Variants in NAALADL2 observed in about 807,000 individuals in gnomAD.
The protein encoded by NAALADL2 is N-acetylated alpha-linked acidic dipeptidase like 2.
Under a neutral mutation model 87.2 loss-of-function variants are expected in NAALADL2, and 76 were observed. The ratio of observed to expected loss-of-function variants is 0.87; its 90% CI spans 0.72 to 1.05. The LOEUF is 1.05. Among genes scored for constraint, NAALADL2 ranks in the 50% least tolerant of loss-of-function variants. The pLI is 0.00. For missense variants in NAALADL2, 1,089 were observed against 945.8 expected, an observed-to-expected ratio of 1.15 and a Z score of -1.99; for synonymous variants, 354 against 331.0, an observed-to-expected ratio of 1.07 and a Z score of -0.75.
intron 4 of NAALADL2, among the ~76,000 whole-genome samples, chr3:175,299,286 G>T (rs908250310): frequency 5.9e-5 from 9 of 151,766 alleles, no homozygotes; most frequent in African/African-American, 2.2e-4. Flanking sequence ...ATATAAAGTA[G>T]TTTTTTTTGT....
At chr3:175,701,845 A>G (rs1423857485) in intron 11 of NAALADL2, among the ~76,000 whole-genome samples, 1 of 152,210 alleles carries the variant, frequency 6.6e-6, no homozygotes, top group Non-Finnish European at 1.5e-5. Flanking sequence ...TTTAGGTAAT[A>G]TTAACACTGC....
Position 174,961,043 on chromosome 3 carries a change from T to A in NAALADL2, c.43+101593T>A, listed in dbSNP as rs562066701. 2.6e-4 allele frequency among the ~76,000 whole-genome samples: 39 copies of A among 147,520 alleles called. 1 individual carries two copies. The South Asian group carries it at 7.8e-3, about 30-fold the overall frequency. On this transcript the variant is annotated intron_variant, in intron 1 of 13. Transcript: ENST00000454872. ...CAGAACAAGACCTTGTTTCTAAAAATATATATATATATTAAATATATCATA... is the reference window on the plus strand; with the variant it reads ...CAGAACAAGACCTTGTTTCTAAAAAAATATATATATATTAAATATATCATA...
chr3:175,330,840 A>G (rs1761308095), intron 5 of NAALADL2, among the ~76,000 whole-genome samples: 1 of 152,198 alleles, frequency 6.6e-6, no homozygotes, highest in Non-Finnish European at 1.5e-5. Context: ...AGTCTTGAAA[A>G]AATACAAAAC....
intron 2 of NAALADL2, among the ~76,000 whole-genome samples, chr3:174,728,109 A>C (rs1387482318): frequency 6.6e-6 from 1 of 152,002 alleles, no homozygotes; most frequent in Non-Finnish European, 1.5e-5. Flanking sequence ...CCGTTTACTT[A>C]TACATTCACC....
At chr3:174,527,289 G>T (rs1489718570) in intron 1 of NAALADL2, among the ~76,000 whole-genome samples, 2 of 152,110 alleles carry the variant, frequency 1.3e-5, no homozygotes, top group African/African-American at 4.8e-5. Context: ...GGGAGGCTGA[G>T]GCAGGTGGAT....
At chr3:175,248,378 A>G (rs1748397371) in intron 3 of NAALADL2, among the ~76,000 whole-genome samples, 3 of 152,230 alleles carry the variant, frequency 2.0e-5, no homozygotes, top group Non-Finnish European at 4.4e-5. Flanking sequence ...CTTAATAAAA[A>G]TATTTGTTTT....
Position 175,791,338 on chromosome 3 carries a change from T to C in NAALADL2, c.2190-11667T>C, listed in dbSNP as rs960937888. ...TATATGGGGTGAGTCCCCTGTGAGC[T>C]TAGCTGGAAGCAGGGCATATGTCTC... is the stretch of plus-strand genomic sequence containing the variant. On this transcript the variant is annotated intron_variant, in intron 13 of 13. Coordinates refer to ENST00000454872, the MANE Select transcript of NAALADL2 (RefSeq NM_207015.3). Among the ~76,000 whole-genome samples, 11 of 152,168 alleles carry C rather than the reference T, an allele frequency of 7.2e-5. 1 individual carries two copies. The highest frequency in any genetic ancestry group is 2.0e-4 in the Admixed American group (3 of 15,276).
intron 9 of NAALADL2, among the ~76,000 whole-genome samples, chr3:175,523,698 T>C (rs1732993853): frequency 6.6e-6 from 1 of 152,170 alleles, no homozygotes; most frequent in Non-Finnish European, 1.5e-5. Context: ...TCCCCTTTTG[T>C]CTAGGGTTAG....
At chr3:174,882,321 A>G (rs1215099783) in intron 1 of NAALADL2, among the ~76,000 whole-genome samples, 1 of 151,944 alleles carries the variant, frequency 6.6e-6, no homozygotes, top group Non-Finnish European at 1.5e-5. Flanking sequence ...TTTGACTAAT[A>G]ATATGGCCAT....
intron 1 of NAALADL2, among the ~76,000 whole-genome samples, chr3:174,955,413 C>T (rs754685941): frequency 3.3e-5 from 5 of 152,088 alleles, no homozygotes; most frequent in Non-Finnish European, 7.4e-5. Flanking sequence ...TTTGGATATT[C>T]TCTTCAAGTT....
intron 4 of NAALADL2, among the ~76,000 whole-genome samples, chr3:175,316,359 T>C (rs1759135850): frequency 6.6e-6 from 1 of 152,168 alleles, no homozygotes; most frequent in African/African-American, 2.4e-5. Flanking sequence ...GCTCCTTTTT[T>C]GTCAACAGTT....
chr3:175,076,565 A>T (rs1245282863), intron 1 of NAALADL2, among the ~76,000 whole-genome samples: 1 of 152,166 alleles, frequency 6.6e-6, no homozygotes, highest in African/African-American at 2.4e-5. Context: ...CGACCCTGCT[A>T]ATATTTCATG....
chr3:175,386,070 G>A (rs1768341331), intron 5 of NAALADL2, among the ~76,000 whole-genome samples: 1 of 152,002 alleles, frequency 6.6e-6, no homozygotes, highest in Non-Finnish European at 1.5e-5. Flanking sequence ...CTCTTTCTTG[G>A]TTGATGGGAT....
At chr3:175,632,926 C>T (rs749490220) in intron 11 of NAALADL2, among the ~76,000 whole-genome samples, 8 of 152,110 alleles carry the variant, frequency 5.3e-5, no homozygotes, top group African/African-American at 1.2e-4. Flanking sequence ...TGGCATTAGC[C>T]ATAATTCACA....
chr3:174,519,298 TTGAAACAA>T (rs1276466867), intron 1 of NAALADL2, among the ~76,000 whole-genome samples: 3 of 151,502 alleles, frequency 2.0e-5, no homozygotes, highest in African/African-American at 7.3e-5. Context: ...AGCAAAGTTT[TTGAAACAA>T]GTGAATGAAT....
chr3:174,474,420 A>C (rs1364717717), intron 1 of NAALADL2, among the ~76,000 whole-genome samples: 3 of 152,130 alleles, frequency 2.0e-5, no homozygotes, highest in Non-Finnish European at 4.4e-5. Flanking sequence ...TTTTTCAATG[A>C]AGAACTAAGT....
At chr3:175,472,622 G>A (rs1725071330) in intron 9 of NAALADL2, among the ~76,000 whole-genome samples, 1 of 152,160 alleles carries the variant, frequency 6.6e-6, no homozygotes, top group African/African-American at 2.4e-5. Context: ...AGCTTTGAAT[G>A]AGCCATAATT....
At chr3:175,436,244 C>T (rs1300037413) in intron 5 of NAALADL2, among the ~76,000 whole-genome samples, 2 of 143,848 alleles carry the variant, frequency 1.4e-5, no homozygotes, top group Non-Finnish European at 3.0e-5. Flanking sequence ...TTAATCCAGT[C>T]TATCATTGTT....
At chr3:175,153,051 C>A (rs1372598393) in intron 2 of NAALADL2, among the ~76,000 whole-genome samples, 1 of 151,964 alleles carries the variant, frequency 6.6e-6, no homozygotes, top group Non-Finnish European at 1.5e-5. Flanking sequence ...GCATACCTAT[C>A]TCTTATATTT....
Sources: allele counts gnomAD v4.1 joint callset (sites outside exome capture counted in the v4.1 genomes callset), GRCh38; gene constraint gnomAD v4.1.1; transcripts MANE v1.5; gene names NCBI Gene and HGNC (gene_info 2026-07-23, HGNC 2026-07-21).